Variants in FAM107B observed in about 807,000 individuals in gnomAD.
The protein encoded by FAM107B is protein FAM107B.
In FAM107B, 21 loss-of-function variants were observed where a neutral mutation model predicts 31.5. The observed-to-expected ratio is 0.67, with a 90% CI of 0.47 to 0.96. FAM107B has a LOEUF of 0.96. Among genes scored for constraint, FAM107B ranks in the 40% least tolerant of loss-of-function variants. The pLI is 0.00. For missense variants in FAM107B, 452 were observed against 377.1 expected, an observed-to-expected ratio of 1.20 and a Z score of -1.64; for synonymous variants, 157 against 141.5, an observed-to-expected ratio of 1.11 and a Z score of -0.78.
intron 1 of FAM107B, among the ~76,000 whole-genome samples, chr10:14,741,540 C>T (rs965823933): frequency 6.6e-6 from 1 of 152,102 alleles, no homozygotes; most frequent in Non-Finnish European, 1.5e-5. Context: ...ATACCCTCTG[C>T]CCAGCCAAAC....
intron 1 of FAM107B, among the ~76,000 whole-genome samples, chr10:14,744,908 G>T (rs1832694161): frequency 6.6e-6 from 1 of 152,012 alleles, no homozygotes; most frequent in Non-Finnish European, 1.5e-5. Context: ...TTCTTTGTTT[G>T]TTTTTTGTTT....
intron 1 of FAM107B, among the ~76,000 whole-genome samples, chr10:14,730,099 A>T (rs1856138379): frequency 6.6e-6 from 1 of 152,284 alleles, no homozygotes; most frequent in South Asian, 2.1e-4. Context: ...GCAGGGCTTG[A>T]AACCTAGATG....
chr10:14,748,083 G>A (rs1386180842), intron 1 of FAM107B, among the ~76,000 whole-genome samples: 2 of 152,190 alleles, frequency 1.3e-5, no homozygotes, highest in African/African-American at 2.4e-5. Context: ...AGGTGGCTCA[G>A]TGCATACTTC....
chr10:14,557,962 T>C (rs1375531480), intron 2 of FAM107B, among the ~76,000 whole-genome samples: 4 of 152,282 alleles, frequency 2.6e-5, no homozygotes, highest in Admixed American at 6.5e-5. Context: ...TGTCTCTTCC[T>C]GATTTGGAGT....
At chr10:14,761,011 CAAAAAAAAAAAAAAAAA>C (rs565835423) in intron 1 of FAM107B, among the ~76,000 whole-genome samples, 2 of 77,628 alleles carry the variant, frequency 2.6e-5, no homozygotes, top group Non-Finnish European at 5.3e-5. Context: ...GACTCCGTTT[CAAAAAAAAAAAAAAAAA>C]AAAAAAAAGA....
chr10:14,618,781 G>A (rs189023517), intron 2 of FAM107B, among the ~76,000 whole-genome samples: 260 of 152,244 alleles, frequency 1.7e-3, no homozygotes, highest in African/African-American at 5.2e-3. Context: ...AGGTTGCAGT[G>A]AGCCGAGATG....
At chr10:14,678,607 CTTCCT>C (rs1348429901) in intron 1 of FAM107B, among the ~76,000 whole-genome samples, 1 of 127,516 alleles carries the variant, frequency 7.8e-6, no homozygotes, top group Non-Finnish European at 1.8e-5. Flanking sequence ...TAACAAATAG[CTTCCT>C]CTCCTCTCCT....
chr10:14,679,323 G>A (rs1280433969), intron 1 of FAM107B, among the ~76,000 whole-genome samples: 2 of 152,072 alleles, frequency 1.3e-5, no homozygotes, highest in African/African-American at 4.8e-5. Context: ...TAGAAACAGG[G>A]TCTCACTATG....
intron 2 of FAM107B, among the ~76,000 whole-genome samples, chr10:14,550,498 A>G (rs1564555238): frequency 6.6e-6 from 1 of 152,200 alleles, no homozygotes; most frequent in Non-Finnish European, 1.5e-5. Context: ...ATGTTTGCCC[A>G]AAGTCTCAAC....
intron 2 of FAM107B, among the ~76,000 whole-genome samples, chr10:14,570,197 C>T (rs942678922): frequency 6.6e-6 from 1 of 150,706 alleles, no homozygotes; most frequent in South Asian, 2.1e-4. Context: ...TGAAATGAAA[C>T]GACATTGAAA....
chr10:14,604,148 G>C (rs1852505371), intron 2 of FAM107B: 3 of 796,916 alleles, frequency 3.8e-6, no homozygotes, highest in Non-Finnish European at 4.5e-6. Context: ...CCCGCCGAGA[G>C]GGTCCCCGGA....
chr10:14,631,361 T>A (rs553744212), intron 2 of FAM107B, among the ~76,000 whole-genome samples: 3 of 152,318 alleles, frequency 2.0e-5, no homozygotes, highest in Non-Finnish European at 2.9e-5. Context: ...TGTCATGGCT[T>A]TCCTGGGATA....
At chr10:14,543,419 T>C (rs893817609) in intron 2 of FAM107B, among the ~76,000 whole-genome samples, 2 of 152,112 alleles carry the variant, frequency 1.3e-5, no homozygotes, top group African/African-American at 2.4e-5. Context: ...GGAAGGAGCA[T>C]GCAGTCCTGA....
At chr10:14,712,619 A>G (rs898731001) in intron 1 of FAM107B, among the ~76,000 whole-genome samples, 1 of 101,682 alleles carries the variant, frequency 9.8e-6, no homozygotes, top group Non-Finnish European at 2.0e-5. Flanking sequence ...ACCAAAAAAC[A>G]AAAAAAAAAG....
chr10:14,602,317 G>A (rs1216626919), intron 2 of FAM107B: 1 of 152,176 alleles, frequency 6.6e-6, no homozygotes, highest in African/African-American at 2.4e-5. Context: ...AAAATGTATT[G>A]CATCATCCTA....
intron 2 of FAM107B, among the ~76,000 whole-genome samples, chr10:14,615,394 G>A (rs901897332): frequency 1.3e-5 from 2 of 152,174 alleles, no homozygotes. Context: ...ATCTTGTAGG[G>A]AGAGAATTAA....
chr10:14,567,599 G>T (rs1434822344), intron 2 of FAM107B, among the ~76,000 whole-genome samples: 1 of 152,162 alleles, frequency 6.6e-6, no homozygotes, highest in East Asian at 1.9e-4. Context: ...GGCATGGGTG[G>T]GCCGCCCAAT....
chr10:14,538,215 G>A (rs951676220), intron 2 of FAM107B, among the ~76,000 whole-genome samples: 1 of 152,158 alleles, frequency 6.6e-6, no homozygotes, highest in African/African-American at 2.4e-5. Context: ...ATGGGAGGCA[G>A]GAAAGACATA....
At chr10:14,713,364 A>G (rs933735066) in intron 1 of FAM107B, among the ~76,000 whole-genome samples, 1 of 152,200 alleles carries the variant, frequency 6.6e-6, no homozygotes, top group Non-Finnish European at 1.5e-5. Flanking sequence ...GTTCCCTGTA[A>G]CCATTCACCA....
Sources: allele counts gnomAD v4.1 joint callset (sites outside exome capture counted in the v4.1 genomes callset), GRCh38; gene constraint gnomAD v4.1.1; transcripts MANE v1.5; gene names NCBI Gene and HGNC (gene_info 2026-07-23, HGNC 2026-07-21).